The following CCDC141 variants were observed in gnomAD, a reference collection of about 807,000 sequenced individuals.
CCDC141 encodes coiled-coil domain-containing protein 141.
A neutral mutation model predicts 181.0 loss-of-function variants in CCDC141; 168 were observed. The ratio of observed to expected loss-of-function variants is 0.93; its 90% CI spans 0.82 to 1.05. The LOEUF (loss-of-function observed/expected upper bound fraction) is 1.05, where lower values mean the gene tolerates loss of function less well. Ranked by LOEUF, CCDC141 falls within the 50% of genes least tolerant of loss-of-function variation. The pLI is 0.00. For missense variants in CCDC141, 1,902 were observed against 1,788.5 expected (o/e 1.06, Z -1.14); for synonymous variants, 666 against 642.3 (o/e 1.04, Z -0.56).
intron 2 of CCDC141, among the ~76,000 whole-genome samples, chr2:179,015,431 T>TGCC (rs2154385064): frequency 7.1e-6 from 1 of 141,504 alleles, no homozygotes; most frequent in East Asian, 2.1e-4. Flanking sequence ...CTCATATATG[T>TGCC]ACCATATATA....
intron 6 of CCDC141, among the ~76,000 whole-genome samples, chr2:178,942,730 AT>A (rs1689572694): frequency 6.6e-6 from 1 of 152,146 alleles, no homozygotes; most frequent in South Asian, 2.1e-4. Context: ...GGGGATGTTG[AT>A]TATGGGGGAG....
chr2:178,853,421 T>C lies in CCDC141; in HGVS notation c.3244+20A>G. The stretch of plus-strand genomic sequence containing the variant: ...ATTTGTTCAATGGCCAATCACTGGA[T>C]ATCTTAAAAGAGATCTCACCATATA... On this transcript the variant is annotated intron_variant, in intron 20 of 23. Transcript: ENST00000443758. 1 of 1,609,392 alleles carries C rather than the reference T, an allele frequency of 6.2e-7. No individual in the cohort carries two copies. The highest frequency in any genetic ancestry group is 8.5e-7 in the Non-Finnish European group (1 of 1,177,396).
intron 2 of CCDC141, among the ~76,000 whole-genome samples, chr2:179,028,031 T>C (rs1056123736): frequency 6.6e-6 from 1 of 152,132 alleles, no homozygotes; most frequent in Non-Finnish European, 1.5e-5. Context: ...CTGAACTGCC[T>C]AGAAACAGTC....
intron 6 of CCDC141, among the ~76,000 whole-genome samples, chr2:178,923,428 A>G (rs1688792197): frequency 6.6e-6 from 1 of 152,086 alleles, no homozygotes; most frequent in Non-Finnish European, 1.5e-5. Context: ...TTAAGATGAA[A>G]CTTTCCAGAG....
intron 5 of CCDC141, among the ~76,000 whole-genome samples, chr2:178,953,213 G>T (rs2154378127): frequency 6.6e-6 from 1 of 152,248 alleles, no homozygotes; most frequent in East Asian, 1.9e-4. Flanking sequence ...GAGGCAGGCG[G>T]ATCACAATGT....
In CCDC141 at chr2:178,949,684, G is replaced by A. The variant is rs764326192; in HGVS notation, c.781-5033C>T. Among the ~76,000 whole-genome samples the A allele has an allele frequency of 2.8e-4, 42 of 152,322 alleles. 1 individual carries two copies. The highest frequency in any genetic ancestry group is 3.4e-3 in the Middle Eastern group (1 of 294). Reference sequence around the variant, plus strand: ...CTCCGTGAAAATAGTTCATTAGAGAGGAGAATGGATGTGTGGGTCAGGCCT... The same window carrying A: ...CTCCGTGAAAATAGTTCATTAGAGAAGAGAATGGATGTGTGGGTCAGGCCT... On this transcript the variant is annotated intron_variant, in intron 5 of 23. Coordinates refer to ENST00000443758, the MANE Select transcript of CCDC141 (RefSeq NM_173648.4).
intron 22 of CCDC141, among the ~76,000 whole-genome samples, chr2:178,838,615 T>C (rs1361652828): frequency 6.6e-6 from 1 of 152,220 alleles, no homozygotes; most frequent in Non-Finnish European, 1.5e-5. Flanking sequence ...AGAGGCATAA[T>C]TTGGTGAATA....
intron 6 of CCDC141, among the ~76,000 whole-genome samples, chr2:178,920,273 T>C (rs991117910): frequency 1.3e-5 from 2 of 152,220 alleles, no homozygotes; most frequent in Non-Finnish European, 2.9e-5. Context: ...TATCCTATTA[T>C]TAAGTTACAT....
chr2:178,931,037 T>C (rs1016339407), intron 6 of CCDC141, among the ~76,000 whole-genome samples: 34 of 152,166 alleles, frequency 2.2e-4, no homozygotes, highest in Non-Finnish European at 8.8e-5. Flanking sequence ...TCACAGAAGA[T>C]ATACAAATGG....
intron 21 of CCDC141, 128 bp from the exon 22 acceptor site, chr2:178,845,870 G>T (rs1308443604): frequency 7.2e-6 from 5 of 693,552 alleles, no homozygotes; most frequent in Non-Finnish European, 1.3e-5. Context: ...CAAGAGACTG[G>T]TGTACTCCCA....
intron 2 of CCDC141, among the ~76,000 whole-genome samples, chr2:179,016,175 A>G (rs1288573141): frequency 7.1e-6 from 1 of 140,912 alleles, no homozygotes; most frequent in Admixed American, 7.1e-5. Context: ...AATGAATACA[A>G]TGGACTTTGA....
At chr2:178,931,928 G>A (rs1299050566) in intron 6 of CCDC141, among the ~76,000 whole-genome samples, 3 of 152,154 alleles carry the variant, frequency 2.0e-5, no homozygotes, top group African/African-American at 7.2e-5. Context: ...CACTTTGGGA[G>A]GCTGAGGAGG....
At chr2:178,993,795 C>G (rs143998875) in intron 2 of CCDC141, among the ~76,000 whole-genome samples, 9 of 152,034 alleles carry the variant, frequency 5.9e-5, no homozygotes, top group African/African-American at 2.2e-4. Context: ...GGAGTACAGG[C>G]ATTGGGTTAA....
the CCDC141 span, among the ~76,000 whole-genome samples, chr2:178,815,891 C>T: frequency 7.9e-5 from 12 of 151,844 alleles, no homozygotes; most frequent in African/African-American, 2.9e-4. Flanking sequence ...ATTGTTAACC[C>T]ATCAGAGACT....
intron 2 of CCDC141, among the ~76,000 whole-genome samples, chr2:179,030,710 T>C (rs1032032368): frequency 2.0e-4 from 31 of 152,050 alleles, no homozygotes; most frequent in Admixed American, 6.6e-4. Context: ...CATATACAAA[T>C]AAATTTACAC....
intron 8 of CCDC141, among the ~76,000 whole-genome samples, chr2:178,894,106 A>G (rs1298643465): frequency 6.6e-6 from 1 of 152,228 alleles, no homozygotes; most frequent in Admixed American, 6.5e-5. Flanking sequence ...TATGAGGGCC[A>G]TGGAATTAAA....
At chr2:178,955,272 G>A (rs761988761) in intron 5 of CCDC141, among the ~76,000 whole-genome samples, 8 of 152,132 alleles carry the variant, frequency 5.3e-5, no homozygotes, top group African/African-American at 1.4e-4. Context: ...GTGACAGAGC[G>A]AGACTCTGTC....
intron 2 of CCDC141, among the ~76,000 whole-genome samples, chr2:179,011,794 T>G (rs959731055): frequency 2.6e-5 from 4 of 152,124 alleles, no homozygotes; most frequent in African/African-American, 9.7e-5. Flanking sequence ...AACAGTGGAA[T>G]AGAACTGGAA....
At chr2:179,018,610 C>T (rs754397466) in intron 2 of CCDC141, among the ~76,000 whole-genome samples, 13 of 152,168 alleles carry the variant, frequency 8.5e-5, no homozygotes, top group Non-Finnish European at 1.5e-4. Flanking sequence ...AATTACAATG[C>T]TGCCTTCTCC....
Sources: allele counts gnomAD v4.1 joint callset (sites outside exome capture counted in the v4.1 genomes callset), GRCh38; gene constraint gnomAD v4.1.1; transcripts MANE v1.5; gene names NCBI Gene and HGNC (gene_info 2026-07-23, HGNC 2026-07-21).